IDE: variants seen among roughly 807,000 people sequenced by gnomAD.
IDE encodes the protein insulin degrading enzyme.
A neutral mutation model predicts 133.2 loss-of-function variants in IDE; 58 were observed. That is an observed-to-expected ratio of 0.44 (90% CI 0.35 to 0.54). The LOEUF (loss-of-function observed/expected upper bound fraction) is 0.54, where lower values mean the gene tolerates loss of function less well. Among genes scored for constraint, IDE ranks in the 20% least tolerant of loss-of-function variants. The probability of loss-of-function intolerance (pLI) is 0.00; values close to 1 mark genes in which losing one functional copy is unlikely to be tolerated. For missense variants in IDE, 981 were observed against 1,234.0 expected, an observed-to-expected ratio of 0.79 and a Z score of 3.07; for synonymous variants, 396 against 421.3, an observed-to-expected ratio of 0.94 and a Z score of 0.73.
intron 1 of IDE, among the ~76,000 whole-genome samples, chr10:92,537,961 G>A (rs1416325145): frequency 6.6e-6 from 1 of 151,946 alleles, no homozygotes; most frequent in Non-Finnish European, 1.5e-5. Flanking sequence ...AACCTCCTGG[G>A]CTCAAGTGGA....
At position 92,573,907 on chromosome 10, in the gene IDE, C is replaced by T; in HGVS notation, c.98+15G>A. On this transcript the variant is annotated intron_variant, in intron 1 of 24. Coordinates refer to ENST00000265986, the MANE Select transcript of IDE (RefSeq NM_004969.4). ...CCCACGGGGCCCGAGGGCCCGGGCG[C>T]TCCATTCCGCTTACCCACACAGGCG... is the stretch of plus-strand genomic sequence containing the variant. 1 of 1,448,524 alleles carries T rather than the reference C, an allele frequency of 6.9e-7. No homozygotes were observed. The highest frequency in any genetic ancestry group is 3.0e-5 in the East Asian group (1 of 33,164). The allele number at this position is 1,448,524 out of a possible 1,614,324, so 89.7% of individuals were successfully genotyped here.
chr10:92,522,704 T>C (rs985421766), intron 4 of IDE, among the ~76,000 whole-genome samples: 13 of 152,260 alleles, frequency 8.5e-5, no homozygotes, highest in East Asian at 1.9e-4. Context: ...AGATCCTGAC[T>C]CCAGCACTTA....
Position 92,574,056 on chromosome 10 carries a change from C to T in IDE, c.-37G>A. On this transcript the variant is annotated 5_prime_UTR_variant, in exon 1 of 25. Coordinates refer to ENST00000265986, the MANE Select transcript of IDE (RefSeq NM_004969.4). ...GTCGCCGGGATCACCGCAAACGCTTCCTGCTTGCGCTTCGAGCCGGCCCTG... is the reference window on the plus strand; with the variant it reads ...GTCGCCGGGATCACCGCAAACGCTTTCTGCTTGCGCTTCGAGCCGGCCCTG... The T allele has an allele frequency of 2.7e-6, 4 of 1,459,966 alleles. No homozygotes were observed. The highest frequency in any genetic ancestry group is 4.1e-4 in the Middle Eastern group (2 of 4,872). 90.4% of individuals were successfully genotyped at this position (1,459,966 alleles called of 1,614,324 possible).
intron 13 of IDE, among the ~76,000 whole-genome samples, chr10:92,484,138 G>A (rs191337060): frequency 6.6e-5 from 10 of 152,198 alleles, no homozygotes; most frequent in East Asian, 5.8e-4. Flanking sequence ...AGGGCCAGGC[G>A]CGGTGGCTTC....
intron 15 of IDE, chr10:92,478,819 TTGA>T: frequency 1.7e-6 from 2 of 1,162,922 alleles, no homozygotes; most frequent in South Asian, 3.4e-5. Flanking sequence ...AAGAAATGCT[TTGA>T]TACCTCAAGC....
intron 1 of IDE, among the ~76,000 whole-genome samples, chr10:92,544,575 C>A (rs1449268400): frequency 6.6e-6 from 1 of 152,198 alleles, no homozygotes; most frequent in Non-Finnish European, 1.5e-5. Context: ...TGAAGGAAAT[C>A]ATACACTGGT....
chr10:92,535,456 G>GTT (rs1841948357), intron 2 of IDE, among the ~76,000 whole-genome samples: 1 of 144,812 alleles, frequency 6.9e-6, no homozygotes, highest in Non-Finnish European at 1.5e-5. Context: ...ACAGCACAGT[G>GTT]TTAACAGCAT....
chr10:92,522,079 G>A (rs577947554), intron 4 of IDE, among the ~76,000 whole-genome samples: 154 of 152,096 alleles, frequency 1.0e-3, no homozygotes, highest in South Asian at 2.5e-3. Flanking sequence ...AAATGGTGAA[G>A]GGAAGAAAAG....
At chr10:92,564,706 A>C (rs1232678787) in intron 1 of IDE, among the ~76,000 whole-genome samples, 153 of 129,582 alleles carry the variant, frequency 1.2e-3, no homozygotes, top group Admixed American at 2.7e-3. Context: ...AAAAAAAAAA[A>C]AAAACTGAAA....
At position 92,475,195 on chromosome 10, in the gene IDE, A is replaced by G. The variant is rs557828499; in HGVS notation, c.1996-234T>C. ...ATTTGTTCAGCATCTGACATGGACT[A>G]TAAGTGCCTTCACTATGGGATATCT... On this transcript the variant is annotated intron_variant, in intron 16 of 24. Transcript: ENST00000265986. Among the ~76,000 whole-genome samples, 18 of 152,332 alleles carry G rather than the reference A, an allele frequency of 1.2e-4. No homozygotes were observed. In the South Asian group the frequency reaches 1.2e-3, roughly 11 times the overall value.
chr10:92,551,344 T>C (rs1429950711), intron 1 of IDE, among the ~76,000 whole-genome samples: 2 of 151,516 alleles, frequency 1.3e-5, no homozygotes, highest in African/African-American at 2.4e-5. Flanking sequence ...CTAAGGCAGG[T>C]GGATCAGGAG....
At chr10:92,566,869 C>T (rs1465550810) in intron 1 of IDE, among the ~76,000 whole-genome samples, 2 of 152,150 alleles carry the variant, frequency 1.3e-5, no homozygotes, top group Admixed American at 6.5e-5. Context: ...TTATGGTTAA[C>T]ATCGTCAGCA....
At chr10:92,523,872 CA>C (rs1207010236) in intron 4 of IDE, among the ~76,000 whole-genome samples, 4 of 151,992 alleles carry the variant, frequency 2.6e-5, no homozygotes, top group African/African-American at 9.7e-5. Flanking sequence ...TGAATAAACC[CA>C]GTTGCTCCCA....
intron 1 of IDE, among the ~76,000 whole-genome samples, chr10:92,551,566 C>CAA (rs1232265058): frequency 0.029 from 1,948 of 66,522 alleles, 38 homozygotes; most frequent in East Asian, 0.066. Context: ...GACTCCATCT[C>CAA]AAAAAAAAAA....
intron 1 of IDE, among the ~76,000 whole-genome samples, chr10:92,566,884 C>G (rs1001188231): frequency 6.6e-6 from 1 of 152,164 alleles, no homozygotes; most frequent in South Asian, 2.1e-4. Context: ...TCAGCAGCAG[C>G]AAGAGCGTTA....
chr10:92,463,903 C>T lies in IDE; in HGVS notation c.2589G>A (p.Val863=). The T allele has an allele frequency of 6.2e-7, 1 of 1,613,998 alleles. No individual in the cohort carries two copies. The highest frequency in any genetic ancestry group is 8.5e-7 in the Non-Finnish European group (1 of 1,179,880). Residue 863 remains valine (V), a synonymous_variant, in exon 21 of 25, where the codon GTG becomes GTA. Coordinates refer to ENST00000265986, the MANE Select transcript of IDE (RefSeq NM_004969.4). ...EKPPHYLESR[V]EAFLITMEKS... Reference sequence around the variant, plus strand: ...TTTCCATGGTAATTAAGAAAGCTTCCACTCTGCTTTCTAGGTAGTGAGGTG... The same window carrying T: ...TTTCCATGGTAATTAAGAAAGCTTCTACTCTGCTTTCTAGGTAGTGAGGTG...
chr10:92,493,346 T>C (rs950343187), intron 11 of IDE, among the ~76,000 whole-genome samples: 4 of 151,926 alleles, frequency 2.6e-5, no homozygotes, highest in Non-Finnish European at 5.9e-5. Flanking sequence ...AGTAGAAGAA[T>C]CTGGCAGATG....
chr10:92,502,717 T>A (rs1472761200), intron 11 of IDE, among the ~76,000 whole-genome samples: 4 of 152,242 alleles, frequency 2.6e-5, no homozygotes, highest in African/African-American at 9.6e-5. Flanking sequence ...CTTTCTCTGT[T>A]GTTCACTGAA....
At chr10:92,483,773 G>A (rs568835368) in intron 13 of IDE, among the ~76,000 whole-genome samples, 1 of 152,264 alleles carries the variant, frequency 6.6e-6, no homozygotes, top group South Asian at 2.1e-4. Context: ...CTACACCAGG[G>A]TTGGTCTGCC....
Sources: gnomAD v4.1 joint callset for allele counts (sites outside exome capture counted in the v4.1 genomes callset) on GRCh38, gnomAD v4.1.1 for gene constraint, MANE v1.5 for transcripts, NCBI Gene and HGNC (gene_info 2026-07-23, HGNC 2026-07-21) for gene names.